The following TRAK1 variants were observed in gnomAD, a reference collection of about 807,000 sequenced individuals.
TRAK1 encodes trafficking kinesin protein 1.
A neutral mutation model predicts 92.1 loss-of-function variants in TRAK1; 33 were observed. That is an observed-to-expected ratio of 0.36 (90% confidence interval 0.27 to 0.48). The LOEUF (loss-of-function observed/expected upper bound fraction) is 0.48. Among genes scored for constraint, TRAK1 ranks in the 20% least tolerant of loss-of-function variants. The pLI, the probability that TRAK1 is intolerant of heterozygous loss-of-function variation, is 0.99. For synonymous variants in TRAK1, 521 were observed against 517.3 expected (o/e 1.01, Z -0.10); for missense variants, 1,123 against 1,257.9 (o/e 0.89, Z 1.62).
At position 42,223,327 on chromosome 3, in the gene TRAK1, A is replaced by G. The variant is rs1401700067; in HGVS notation, c.2452A>G (p.Ile818Val). Reference sequence around the variant, plus strand: ...CCTGGCTTCCAAGCCAGCCAGCTCCATCCTGAGGGAAGTGAGAGAAAAGAA... The same window carrying G: ...CCTGGCTTCCAAGCCAGCCAGCTCCGTCCTGAGGGAAGTGAGAGAAAAGAA... ...NFLASKPASSILREVREKNVR... is the reference protein window; with the variant it reads ...NFLASKPASSVLREVREKNVR... Residue 818 changes from isoleucine (I) to valine (V), a missense_variant, in exon 16 of 16, where the codon ATC becomes GTC. This residue lies in a region of TRAK1 where 401 missense variants were observed against 438.9 expected (regional missense o/e 0.91). Transcript: ENST00000327628. The surrounding 1 kb of genome is among the most constrained non-coding windows in gnomAD (Gnocchi z 6.1). 1 of 1,614,212 alleles carries G rather than the reference A, an allele frequency of 6.2e-7. No individual in the cohort carries two copies. The highest frequency in any genetic ancestry group is 1.6e-4 in the Middle Eastern group (1 of 6,062).
At chr3:42,203,647 C>T (rs144939326) in intron 13 of TRAK1, 11,042 of 985,220 alleles carry the variant, frequency 0.011, 73 homozygotes, top group Non-Finnish European at 0.012. Context: ...TGTTTTAAAA[C>T]TCTGTGTTAC....
At chr3:42,084,139 A>G (rs1704558952), upstream of TRAK1, among the ~76,000 whole-genome samples, 2 of 152,086 alleles carry the variant, frequency 1.3e-5, no homozygotes. Context: ...TAATGTTTTT[A>G]TATACTTTAC....
At chr3:42,086,899 G>A (rs1559747437), upstream of TRAK1, among the ~76,000 whole-genome samples, 1 of 152,104 alleles carries the variant, frequency 6.6e-6, no homozygotes, top group Non-Finnish European at 1.5e-5. Flanking sequence ...CCACATTTTG[G>A]TCAATATTGA....
chr3:42,021,572 C>T (rs778001523), intron 1 of TRAK1, among the ~76,000 whole-genome samples: 7 of 152,034 alleles, frequency 4.6e-5, no homozygotes, highest in Non-Finnish European at 7.4e-5. Flanking sequence ...TATATGATAA[C>T]CTCATACAGT....
chr3:42,099,823 T>A (rs1402518436), intron 1 of TRAK1, among the ~76,000 whole-genome samples: 2 of 152,182 alleles, frequency 1.3e-5, no homozygotes, highest in Non-Finnish European at 2.9e-5. Context: ...TCTCCCTATT[T>A]ATGTGAGTAG....
intron 14 of TRAK1, chr3:42,210,403 T>TAAAAA (rs10717713): frequency 2.8e-6 from 3 of 1,078,240 alleles, no homozygotes; most frequent in East Asian, 4.7e-5. Flanking sequence ...GAAAGGCTGC[T>TAAAAA]AAAAAAAAAA....
rs573542097 is a variant in TRAK1, at chr3:42,134,127, T to C, written c.286+8513T>C. On this transcript the variant is annotated intron_variant, in intron 2 of 15. Coordinates refer to ENST00000327628, the MANE Select transcript of TRAK1 (RefSeq NM_001042646.3). ...GACAGTGGTCAGCTGGTCGGCAGTA[T>C]CAGCAGGCTGTGGGCCTTTCCTTCC... Among the ~76,000 whole-genome samples, 8 of 151,784 alleles carry C rather than the reference T, an allele frequency of 5.3e-5. No individual in the cohort carries two copies. The East Asian group carries it at 1.4e-3, about 26-fold the overall frequency.
At chr3:42,203,377 C>G (rs1321805688) in intron 13 of TRAK1, 1 of 985,990 alleles carries the variant, frequency 1.0e-6, no homozygotes, top group South Asian at 4.7e-5. Flanking sequence ...AGTTTTGTAC[C>G]TCCGTAAGCC....
chr3:42,028,227 C>T (rs1365887055), intron 1 of TRAK1, among the ~76,000 whole-genome samples: 4 of 152,200 alleles, frequency 2.6e-5, no homozygotes, highest in African/African-American at 9.7e-5. Flanking sequence ...ACATGCTGCT[C>T]CCCAGTAGAG....
chr3:42,014,347 T>A (rs1701431867), intron 1 of TRAK1, among the ~76,000 whole-genome samples: 1 of 152,108 alleles, frequency 6.6e-6, no homozygotes, highest in Admixed American at 6.5e-5. Context: ...GTGGCCTGGA[T>A]TCCGCGCTCC....
chr3:42,095,275 G>A (rs1000040194), intron 1 of TRAK1, among the ~76,000 whole-genome samples: 2 of 152,172 alleles, frequency 1.3e-5, no homozygotes, highest in African/African-American at 2.4e-5. Context: ...CCACCTTCAC[G>A]TTTGAGGAGG....
At chr3:42,187,959 C>G (rs1045913225) in intron 4 of TRAK1, 86 bp from the exon 5 acceptor site, 47 of 1,107,164 alleles carry the variant, frequency 4.2e-5, no homozygotes, top group Non-Finnish European at 6.3e-5. Context: ...AAATATTGTC[C>G]CTAAGTGTTA....
upstream of TRAK1, chr3:42,087,402 T>C (rs938618901): frequency 2.6e-5 from 4 of 152,778 alleles, no homozygotes; most frequent in Non-Finnish European, 4.4e-5. Flanking sequence ...CCATTACTGG[T>C]ATGGGGGCCC....
At chr3:42,108,998 C>A (rs781053054) in intron 1 of TRAK1, among the ~76,000 whole-genome samples, 1 of 152,098 alleles carries the variant, frequency 6.6e-6, no homozygotes, top group African/African-American at 2.4e-5. Context: ...AGGTCAGGAT[C>A]TTTGGGGCCA....
intron 1 of TRAK1, among the ~76,000 whole-genome samples, chr3:42,021,843 G>A (rs1188905885): frequency 6.6e-6 from 1 of 152,186 alleles, no homozygotes; most frequent in Admixed American, 6.5e-5. Flanking sequence ...AAAGTGCTGG[G>A]ATTCTATAGG....
chr3:42,129,389 A>G (rs1378407246), intron 2 of TRAK1, among the ~76,000 whole-genome samples: 1 of 152,172 alleles, frequency 6.6e-6, no homozygotes, highest in Non-Finnish European at 1.5e-5. Flanking sequence ...ACACATTGCT[A>G]TGCAGATCAG....
intron 1 of TRAK1, among the ~76,000 whole-genome samples, chr3:42,074,604 A>G (rs1488884587): frequency 6.6e-6 from 1 of 151,906 alleles, no homozygotes; most frequent in East Asian, 1.9e-4. Flanking sequence ...TAGAAACAAA[A>G]TGTTGAAAAC....
chr3:42,210,601 C>T (rs999723780), intron 14 of TRAK1: 102 of 1,033,024 alleles, frequency 9.9e-5, no homozygotes, highest in Non-Finnish European at 1.1e-4. Flanking sequence ...GTTACCTGTA[C>T]GCTGTATTAA....
Position 42,223,994 on chromosome 3 carries a change from C to T in TRAK1, c.*257C>T, listed in dbSNP as rs749873694. 1 of 634,474 alleles carries T rather than the reference C, an allele frequency of 1.6e-6. No individual in the cohort carries two copies. Among genetic ancestry groups the T allele is most frequent in the South Asian group, 1.5e-5 (1 of 65,192 alleles). The allele number at this position is 634,474 out of a possible 1,614,324, so 39.3% of individuals were successfully genotyped here. A position where few individuals can be genotyped will look rare whatever the true frequency, so the allele number is the denominator to read the frequency against. On this transcript the variant is annotated 3_prime_UTR_variant, in exon 16 of 16. Transcript: ENST00000327628. This position sits in a 1 kb window ranked among gnomAD's most constrained non-coding sequence, Gnocchi z 6.1. ...AGGAAGTGCCCCTGCACTGTCATCA[C>T]TCTCACGAGGACGTCACCTGTGCTA...
Sources: allele counts gnomAD v4.1 joint callset (sites outside exome capture counted in the v4.1 genomes callset), GRCh38; gene constraint gnomAD v4.1.1; regional missense constraint gnomAD v4.1.1; non-coding constraint Gnocchi (gnomAD v3.1); transcripts MANE v1.5; gene names NCBI Gene and HGNC (gene_info 2026-07-23, HGNC 2026-07-21).